The following RAC1 variants were observed in gnomAD, a reference collection of about 807,000 sequenced individuals.
RAC1 encodes the protein ras-related C3 botulinum toxin substrate 1.
RAC1 carries 2 observed loss-of-function variants against 25.2 expected under a neutral mutation model. That is an observed-to-expected ratio of 0.08 (90% CI 0.03 to 0.25). The LOEUF (loss-of-function observed/expected upper bound fraction) is 0.25, where lower values mean the gene tolerates loss of function less well. Ranked by LOEUF, RAC1 falls within the 10% of genes least tolerant of loss-of-function variation. RAC1 has a pLI of 1.00. For missense variants in RAC1, 50 were observed against 235.7 expected (o/e 0.21, Z 5.16); for synonymous variants, 88 against 94.0 (o/e 0.94, Z 0.37).
At chr7:6,378,325 C>T (rs891854513) in intron 1 of RAC1, among the ~76,000 whole-genome samples, 52 of 151,276 alleles carry the variant, frequency 3.4e-4, no homozygotes, top group African/African-American at 1.2e-3. Flanking sequence ...GCAGGCGGAT[C>T]ACCTGAGGTC....
At chr7:6,375,436 G>T (rs1280114166) in intron 1 of RAC1, among the ~76,000 whole-genome samples, 11 of 152,034 alleles carry the variant, frequency 7.2e-5, no homozygotes, top group Non-Finnish European at 2.9e-5. Context: ...GTGTTGTCCA[G>T]GCTGGTCTCG....
At chr7:6,394,944 T>A (rs1338659527) in intron 3 of RAC1, among the ~76,000 whole-genome samples, 1 of 152,182 alleles carries the variant, frequency 6.6e-6, no homozygotes, top group East Asian at 1.9e-4. Context: ...AAGCTTCACC[T>A]CCTGGGTTCA....
At chr7:6,381,024 A>G (rs1348171574) in intron 1 of RAC1, among the ~76,000 whole-genome samples, 1 of 152,034 alleles carries the variant, frequency 6.6e-6, no homozygotes, top group African/African-American at 2.4e-5. Context: ...ACCCACCACC[A>G]TGCCTGGCTA....
chr7:6,398,689 A>G, intron 3 of RAC1: 1 of 1,613,160 alleles, frequency 6.2e-7, no homozygotes, highest in Non-Finnish European at 8.5e-7. Flanking sequence ...TAAGGATATA[A>G]CCTCCCGGGG....
intron 1 of RAC1, among the ~76,000 whole-genome samples, chr7:6,380,381 TG>T: frequency 2.6e-5 from 1 of 39,168 alleles, no homozygotes; most frequent in East Asian, 5.4e-4. Context: ...ATACATAATG[TG>T]TGTGTGTGTG....
intron 4 of RAC1, 164 bp from the exon 5 acceptor site, chr7:6,401,704 A>T (rs1044868085): frequency 6.5e-6 from 4 of 618,292 alleles, no homozygotes; most frequent in Admixed American, 3.1e-5. Context: ...GATGTTCCTT[A>T]TGGCTCAAGG....
At chr7:6,379,567 G>A (rs1414684694) in intron 1 of RAC1, among the ~76,000 whole-genome samples, 1 of 151,914 alleles carries the variant, frequency 6.6e-6, no homozygotes, top group African/African-American at 2.4e-5. Context: ...GAGCCACTAC[G>A]CCTGGCAATT....
At chr7:6,396,698 A>C (rs1783244930) in intron 3 of RAC1, among the ~76,000 whole-genome samples, 1 of 152,218 alleles carries the variant, frequency 6.6e-6, no homozygotes, top group African/African-American at 2.4e-5. Flanking sequence ...AAACCCAGAT[A>C]GCTGTGGAAA....
rs1205798690 is a variant in RAC1, at chr7:6,403,892, G to GT, written c.*1451dup. 4.5e-6 allele frequency: 1 copy of GT among 224,028 alleles called. No individual in the cohort carries two copies. The highest frequency in any genetic ancestry group is 6.5e-5 in the East Asian group (1 of 15,436). 13.9% of individuals were successfully genotyped at this position (224,028 alleles called of 1,614,324 possible). A position where few individuals can be genotyped will look rare whatever the true frequency, so the allele number is the denominator to read the frequency against. On this transcript the variant is annotated 3_prime_UTR_variant, in exon 6 of 6. Transcript: ENST00000348035. ...ATTGACAGTTGCAGAATTGTGGAGT[G>GT]TTTTTACATTGATCTTTTGCTAATG...
intron 2 of RAC1, among the ~76,000 whole-genome samples, chr7:6,387,970 G>A (rs1198391980): frequency 6.6e-6 from 1 of 152,092 alleles, no homozygotes; most frequent in Non-Finnish European, 1.5e-5. Flanking sequence ...ATTCCATTAC[G>A]TTTTAATTGG....
intron 1 of RAC1, among the ~76,000 whole-genome samples, chr7:6,375,278 C>CG (rs1402365303): frequency 6.6e-5 from 10 of 151,950 alleles, no homozygotes; most frequent in Admixed American, 6.6e-5. Flanking sequence ...TTTTCATAGA[C>CG]GGGGTCTCGC....
chr7:6,376,363 TAGTAGAG>T (rs1179271707), intron 1 of RAC1, among the ~76,000 whole-genome samples: 4 of 151,798 alleles, frequency 2.6e-5, no homozygotes, highest in African/African-American at 7.3e-5. Context: ...TTGTATTTTT[TAGTAGAG>T]ACGGGGTTTC....
intron 3 of RAC1, among the ~76,000 whole-genome samples, chr7:6,397,036 CAAAAAAAAAA>C (rs151105670): frequency 1.2e-5 from 1 of 80,192 alleles, no homozygotes; most frequent in Non-Finnish European, 2.5e-5. Flanking sequence ...CTCTCAAAAA[CAAAAAAAAAA>C]AAAAAAAAGA....
rs1245748203 is a variant in RAC1, at chr7:6,402,996, G to A, written c.*550G>A. On this transcript the variant is annotated 3_prime_UTR_variant, in exon 6 of 6. Transcript: ENST00000348035. ...CGACATAACATTGTACTGTAATGGA[G>A]TGAGCGTAGCAGCTCAGCTCTTTGG... 1 of 192,422 alleles carries A rather than the reference G, an allele frequency of 5.2e-6. No homozygotes were observed. The highest frequency in any genetic ancestry group is 2.3e-5 in the African/African-American group (1 of 43,060). The allele number at this position is 192,422 out of a possible 1,614,324, so 11.9% of individuals were successfully genotyped here. A position where few individuals can be genotyped will look rare whatever the true frequency, so the allele number is the denominator to read the frequency against.
At chr7:6,381,558 A>G (rs898510828) in intron 1 of RAC1, among the ~76,000 whole-genome samples, 1 of 151,228 alleles carries the variant, frequency 6.6e-6, no homozygotes, top group Non-Finnish European at 1.5e-5. Flanking sequence ...ACACCCAGCT[A>G]ATTTCTTTTG....
chr7:6,374,842 GC>G (rs1782533620), intron 1 of RAC1, 72 bp downstream of exon 1: 1 of 1,037,650 alleles, frequency 9.6e-7, no homozygotes. Context: ...CCGGACTGGG[GC>G]CCAGGCAGGC....
rs1396517666 is a variant in RAC1 at position 6,399,921 on chromosome 7, C to A, written c.226-205C>A. 4 of 584,726 alleles carry A rather than the reference C, an allele frequency of 6.8e-6. No individual in the cohort carries two copies. In the African/African-American group the frequency reaches 7.5e-5, roughly 11 times the overall value. 36.2% of individuals were successfully genotyped at this position (584,726 alleles called of 1,614,324 possible). A position where few individuals can be genotyped will look rare whatever the true frequency, so the allele number is the denominator to read the frequency against. On this transcript the variant is annotated intron_variant, in intron 3 of 5. Transcript: ENST00000348035. Reference sequence around the variant, plus strand: ...ATTCTCCCTTCATGCTCCCCATTTTCATAAGTAACTGGTGGCTTGACATGC... The same window carrying A: ...ATTCTCCCTTCATGCTCCCCATTTTAATAAGTAACTGGTGGCTTGACATGC...
chr7:6,375,365 A>G (rs1227657633), intron 1 of RAC1, among the ~76,000 whole-genome samples: 1 of 151,998 alleles, frequency 6.6e-6, no homozygotes, highest in Non-Finnish European at 1.5e-5. Context: ...CTGGGATTAC[A>G]GGCGTGTGCC....
chr7:6,385,816 C>T (rs1016871910), intron 1 of RAC1, among the ~76,000 whole-genome samples: 8 of 152,252 alleles, frequency 5.3e-5, no homozygotes, highest in South Asian at 2.1e-4. Context: ...AATTATGATG[C>T]TGATGTGTCA....
Sources: allele counts gnomAD v4.1 joint callset (sites outside exome capture counted in the v4.1 genomes callset), GRCh38; gene constraint gnomAD v4.1.1; transcripts MANE v1.5; gene names NCBI Gene and HGNC (gene_info 2026-07-23, HGNC 2026-07-21).